The following DCDC2 variants were observed in gnomAD, a reference collection of about 807,000 sequenced individuals.
DCDC2 encodes the protein doublecortin domain-containing protein 2.
Under a neutral mutation model 50.2 loss-of-function variants are expected in DCDC2, and 40 were observed. The observed-to-expected ratio is 0.80, with a 90% CI of 0.62 to 1.04. The LOEUF is 1.04. DCDC2 is among the 50% of genes least tolerant of loss of function. The pLI is 0.00. For missense variants in DCDC2, 570 were observed against 581.9 expected, an observed-to-expected ratio of 0.98 and a Z score of 0.21; for synonymous variants, 234 against 210.6, an observed-to-expected ratio of 1.11 and a Z score of -0.96.
intron 2 of DCDC2, among the ~76,000 whole-genome samples, chr6:24,330,054 A>T (rs145777512): frequency 1.3e-5 from 2 of 152,308 alleles, no homozygotes; most frequent in African/African-American, 4.8e-5. Context: ...CAGTGAACCC[A>T]TTATCAGGGA....
chr6:24,341,843 A>G (rs1760159977), intron 2 of DCDC2, among the ~76,000 whole-genome samples: 1 of 152,162 alleles, frequency 6.6e-6, no homozygotes, highest in East Asian at 1.9e-4. Context: ...GAAAAGTCCA[A>G]AGATTTATTG....
At position 24,214,837 on chromosome 6, in the gene DCDC2, T is replaced by C. The variant is rs148933678; in HGVS notation, c.923-9735A>G. On this transcript the variant is annotated intron_variant, in intron 7 of 9. Coordinates refer to ENST00000378454, the MANE Select transcript of DCDC2 (RefSeq NM_016356.5). Reference sequence around the variant, plus strand: ...ATACTTCTATACGCTAGATTTATCATCATAACAAATGAAGTATCTGCCTGT... The same window carrying C: ...ATACTTCTATACGCTAGATTTATCACCATAACAAATGAAGTATCTGCCTGT... Among the ~76,000 whole-genome samples the C allele has an allele frequency of 2.6e-3, 394 of 152,348 alleles. 1 individual carries two copies. Among genetic ancestry groups the C allele is most frequent in the African/African-American group, 9.1e-3 (378 of 41,578 alleles).
intron 2 of DCDC2, among the ~76,000 whole-genome samples, chr6:24,319,380 T>C (rs373804815): frequency 7.6e-4 from 116 of 152,248 alleles, no homozygotes; most frequent in African/African-American, 2.7e-3. Context: ...TTTTCTCCCA[T>C]TCTGCAGGGT....
chr6:24,277,915 TATACAA>T lies in DCDC2; in HGVS notation c.922+128_922+133del, dbSNP rs1241521979. On this transcript the variant is annotated intron_variant, in intron 7 of 9. Coordinates refer to ENST00000378454, the MANE Select transcript of DCDC2 (RefSeq NM_016356.5). ...AGCATAAAAACAGCAGCATCTCTCA[TATACAA>T]ATACAATTTTCTTTGAAAACTCTCA... is the stretch of plus-strand genomic sequence containing the variant. 7 of 730,656 alleles carry T rather than the reference TATACAA, an allele frequency of 9.6e-6. No individual in the cohort carries two copies. In the South Asian group the frequency reaches 1.1e-4, roughly 12 times the overall value. The allele number at this position is 730,656 out of a possible 1,614,324, so 45.3% of individuals were successfully genotyped here.
At chr6:24,374,225 A>C in the DCDC2 span, among the ~76,000 whole-genome samples, 1 of 151,478 alleles carries the variant, frequency 6.6e-6, no homozygotes, top group Non-Finnish European at 1.5e-5. Context: ...TGGAATCTAG[A>C]TGTTTGTTGG....
At chr6:24,352,883 T>C (rs921923214) in intron 2 of DCDC2, among the ~76,000 whole-genome samples, 7 of 152,200 alleles carry the variant, frequency 4.6e-5, no homozygotes, top group African/African-American at 1.7e-4. Flanking sequence ...CTAACTACAA[T>C]TTTCCCTGTC....
Position 24,353,607 on chromosome 6 carries a change from C to A in DCDC2, c.310G>T (p.Glu104Ter). 6.3e-7 allele frequency: 1 copy of A among 1,592,276 alleles called. No individual in the cohort carries two copies. ...FKKLNYLDIG[E>*]IKKRPMEVVN... ...ACTTCCATTGGTCTTTTCTTGATTTCTCCTATGTCCAAGTAACTGAGGAAA... is the reference window on the plus strand; with the variant it reads ...ACTTCCATTGGTCTTTTCTTGATTTATCCTATGTCCAAGTAACTGAGGAAA... The change falls in exon 2 of 10, where the codon GAA becomes TAA. Residue 104 changes from glutamate to a stop codon, truncating the protein, a stop_gained. Transcript: ENST00000378454. LOFTEE classifies it high-confidence loss of function.
chr6:24,236,022 G>A (rs568510899), intron 7 of DCDC2, among the ~76,000 whole-genome samples: 4 of 152,110 alleles, frequency 2.6e-5, no homozygotes, highest in African/African-American at 9.6e-5. Context: ...TGGTCACAAT[G>A]CCCAAAGCAA....
intron 6 of DCDC2, among the ~76,000 whole-genome samples, chr6:24,286,105 C>T (rs1055561949): frequency 2.0e-5 from 3 of 152,184 alleles, no homozygotes; most frequent in African/African-American, 4.8e-5. Context: ...TGACCCCGCA[C>T]CTGTGAAGTT....
In DCDC2 at chr6:24,357,651, C is replaced by T. The variant is rs1356162012; in HGVS notation, c.100G>A (p.Val34Ile). Residue 34 changes from valine (V) to isoleucine (I), a missense_variant, in exon 1 of 10, where the codon GTC (valine) becomes ATC (isoleucine). Coordinates refer to ENST00000378454, the MANE Select transcript of DCDC2 (RefSeq NM_016356.5). ...NGDPFYAGRR[V>I]VIHEKKVSSF... Reference sequence around the variant, plus strand: ...GACACCTTCTTCTCATGGATGACGACGCGGCGCCCCGCGTAGAAGGGGTCC... The same window carrying T: ...GACACCTTCTTCTCATGGATGACGATGCGGCGCCCCGCGTAGAAGGGGTCC... The T allele has an allele frequency of 1.9e-6, 3 of 1,613,308 alleles. No homozygotes were observed. The highest frequency in any genetic ancestry group is 2.5e-6 in the Non-Finnish European group (3 of 1,180,046).
intron 7 of DCDC2, among the ~76,000 whole-genome samples, chr6:24,213,946 C>G (rs1053277144): frequency 1.3e-5 from 2 of 152,126 alleles, no homozygotes; most frequent in Non-Finnish European, 2.9e-5. Context: ...TAATTGAATA[C>G]AATGATACAA....
At chr6:24,247,390 T>C (rs1032855127) in intron 7 of DCDC2, among the ~76,000 whole-genome samples, 8 of 152,064 alleles carry the variant, frequency 5.3e-5, no homozygotes, top group Non-Finnish European at 1.2e-4. Flanking sequence ...AAGACTTAAT[T>C]AAAAGACATT....
chr6:24,228,007 A>G (rs1375502492), intron 7 of DCDC2, among the ~76,000 whole-genome samples: 1 of 152,228 alleles, frequency 6.6e-6, no homozygotes, highest in African/African-American at 2.4e-5. Context: ...TCTCTTCTGC[A>G]GTTTGTGCAA....
chr6:24,220,445 A>G (rs1374366109), intron 7 of DCDC2, among the ~76,000 whole-genome samples: 1 of 152,230 alleles, frequency 6.6e-6, no homozygotes, highest in Non-Finnish European at 1.5e-5. Flanking sequence ...GGAAAAAGAC[A>G]TATGTAACTA....
chr6:24,266,103 C>T (rs62400400), intron 7 of DCDC2, among the ~76,000 whole-genome samples: 19,934 of 152,010 alleles, frequency 0.13, 1,471 homozygotes, highest in African/African-American at 0.2. Context: ...AAAGGACAGT[C>T]TCTTCAATAA....
Position 24,193,475 on chromosome 6 carries a change from T to C in DCDC2, c.1023+11527A>G, listed in dbSNP as rs536561350. Among the ~76,000 whole-genome samples the C allele has an allele frequency of 8.5e-5, 13 of 152,292 alleles. No homozygotes were observed. In the South Asian group the frequency reaches 2.7e-3, roughly 32 times the overall value. Reference sequence around the variant, plus strand: ...ATGAAGATTTCAGTATCACTGAATGTATGTGAATGTATCAAGAGGACAGTA... The same window carrying C: ...ATGAAGATTTCAGTATCACTGAATGCATGTGAATGTATCAAGAGGACAGTA... On this transcript the variant is annotated intron_variant, in intron 8 of 9. Transcript: ENST00000378454.
chr6:24,185,710 C>CAT (rs1458380797), intron 8 of DCDC2, among the ~76,000 whole-genome samples: 2 of 112,544 alleles, frequency 1.8e-5, no homozygotes, highest in Middle Eastern at 4.0e-3. Context: ...CACACACACA[C>CAT]ACACACACAC....
At chr6:24,184,036 G>C (rs1024927956) in intron 8 of DCDC2, among the ~76,000 whole-genome samples, 1 of 152,168 alleles carries the variant, frequency 6.6e-6, no homozygotes, top group African/African-American at 2.4e-5. Flanking sequence ...CCTATGAGTT[G>C]TTTCTTATAC....
At chr6:24,231,356 G>A (rs1464152614) in intron 7 of DCDC2, among the ~76,000 whole-genome samples, 1 of 152,174 alleles carries the variant, frequency 6.6e-6, no homozygotes, top group Non-Finnish European at 1.5e-5. Context: ...TGTGCTTTCT[G>A]AGACCCAGGC....
Sources: gnomAD v4.1 joint callset for allele counts (sites outside exome capture counted in the v4.1 genomes callset) on GRCh38, gnomAD v4.1.1 for gene constraint, MANE v1.5 for transcripts, NCBI Gene and HGNC (gene_info 2026-07-23, HGNC 2026-07-21) for gene names.